WDR59: variants seen among roughly 807,000 people sequenced by gnomAD.
WDR59 encodes GATOR2 complex protein WDR59.
WDR59 carries 100 observed loss-of-function variants against 131.2 expected under a neutral mutation model. The observed-to-expected ratio is 0.76, with a 90% CI of 0.65 to 0.90. The LOEUF is 0.90. Ranked by LOEUF, WDR59 falls within the 40% of genes least tolerant of loss-of-function variation. The pLI is 0.00. For synonymous variants in WDR59, 601 were observed against 466.2 expected (o/e 1.29, Z -3.72); for missense variants, 1,203 against 1,262.2 (o/e 0.95, Z 0.71).
intron 3 of WDR59, among the ~76,000 whole-genome samples, chr16:74,955,577 G>A (rs899896336): frequency 2.0e-5 from 3 of 152,210 alleles, no homozygotes; most frequent in Non-Finnish European, 4.4e-5. Context: ...GCGCAACCTC[G>A]GACATCCACA....
chr16:74,906,313 CA>C (rs762288713), intron 17 of WDR59, among the ~76,000 whole-genome samples: 1 of 32,460 alleles, frequency 3.1e-5, no homozygotes, highest in Non-Finnish European at 5.3e-5. Context: ...GACTCCGTCT[CA>C]AAAAAAAAAA....
In WDR59 at chr16:74,897,296, G is replaced by T. The variant is rs1431639295; in HGVS notation, c.1867-3484C>A. 8.5e-5 allele frequency among the ~76,000 whole-genome samples: 13 copies of T among 152,322 alleles called. No homozygotes were observed. In the South Asian group the frequency reaches 2.5e-3, roughly 29 times the overall value. On this transcript the variant is annotated intron_variant, in intron 18 of 25. Transcript: ENST00000262144. ...TTCAGACCAAGATGCTGCATTTCAG[G>T]CCGGGCACCTCACAGTGTTTAGGCT...
intron 2 of WDR59, among the ~76,000 whole-genome samples, chr16:74,961,019 A>C (rs1597800284): frequency 6.6e-6 from 1 of 152,104 alleles, no homozygotes; most frequent in Non-Finnish European, 1.5e-5. Context: ...TCAGTATAAG[A>C]AAATGCCAGG....
At chr16:74,976,328 C>T (rs1018303679) in intron 1 of WDR59, among the ~76,000 whole-genome samples, 17 of 151,708 alleles carry the variant, frequency 1.1e-4, no homozygotes, top group Non-Finnish European at 1.9e-4. Context: ...ATTATTAGGT[C>T]AGAAGAGAGT....
At position 74,917,841 on chromosome 16, in the gene WDR59, C is replaced by T; in HGVS notation, c.966+88G>A. The T allele has an allele frequency of 3.0e-6, 3 of 1,015,602 alleles. No homozygotes were observed. In the South Asian group the frequency reaches 4.3e-5, roughly 14 times the overall value. 62.9% of individuals were successfully genotyped at this position (1,015,602 alleles called of 1,614,324 possible). A position where few individuals can be genotyped will look rare whatever the true frequency, so the allele number is the denominator to read the frequency against. ...AAAAAAAAAAAAAAAAATTGTTTAT[C>T]CTGTAACCTCTAATTTCCGCAAATC... On this transcript the variant is annotated intron_variant, in intron 11 of 25. Transcript: ENST00000262144.
intron 25 of WDR59, 137 bp downstream of exon 25, chr16:74,885,516 G>A: frequency 1.1e-6 from 1 of 946,310 alleles, no homozygotes; most frequent in South Asian, 2.2e-5. Context: ...CAGATGCTTG[G>A]AATAGACTCA....
At position 74,965,758 on chromosome 16, in the gene WDR59, G is replaced by A. The variant is rs528798017; in HGVS notation, c.104+15C>T. On this transcript the variant is annotated intron_variant, in intron 2 of 25. Transcript: ENST00000262144. ...TCCAGAAATCATGGCAGACAAACTCGGCAAGCTTACTTACCCAGAAAGCAC... is the reference window on the plus strand; with the variant it reads ...TCCAGAAATCATGGCAGACAAACTCAGCAAGCTTACTTACCCAGAAAGCAC... 2.5e-5 allele frequency: 40 copies of A among 1,613,838 alleles called. No homozygotes were observed. Among genetic ancestry groups the A allele is most frequent in the Middle Eastern group, 1.7e-4 (1 of 6,060 alleles).
At chr16:74,879,909 G>C (rs200345770) in intron 25 of WDR59, among the ~76,000 whole-genome samples, 1 of 152,256 alleles carries the variant, frequency 6.6e-6, no homozygotes, top group East Asian at 1.9e-4. Context: ...GCTGGGGCTG[G>C]GTGTGGCAGC....
At chr16:74,934,301 T>C (rs547033465) in intron 8 of WDR59, among the ~76,000 whole-genome samples, 14 of 152,236 alleles carry the variant, frequency 9.2e-5, no homozygotes, top group African/African-American at 3.1e-4. Context: ...GTTAGCAAGA[T>C]TAATCCTTTT....
chr16:74,904,211 A>T lies in WDR59; in HGVS notation c.1713-111T>A, dbSNP rs1033039081. 6 of 1,326,282 alleles carry T rather than the reference A, an allele frequency of 4.5e-6. No individual in the cohort carries two copies. The African/African-American group carries it at 7.4e-5, about 16-fold the overall frequency. The allele number at this position is 1,326,282 out of a possible 1,614,324, so 82.2% of individuals were successfully genotyped here. A position where few individuals can be genotyped will look rare whatever the true frequency, so the allele number is the denominator to read the frequency against. ...AGGAGAAGACAAAATGAGAAGATGG[A>T]AACTCCAGAAAAAGAAGTCAATAAA... is the stretch of plus-strand genomic sequence containing the variant. On this transcript the variant is annotated intron_variant, in intron 17 of 25. Coordinates refer to ENST00000262144, the MANE Select transcript of WDR59 (RefSeq NM_030581.4).
At chr16:74,911,943 T>C (rs1003267959) in intron 14 of WDR59, 1 of 547,662 alleles carries the variant, frequency 1.8e-6, no homozygotes, top group Non-Finnish European at 3.2e-6. Context: ...ATTGTGCAGA[T>C]TTTTCTGAGG....
chr16:74,970,495 CAAAAAAAAAAAA>C (rs746574195), intron 1 of WDR59, among the ~76,000 whole-genome samples: 23 of 33,440 alleles, frequency 6.9e-4, no homozygotes, highest in South Asian at 1.2e-3. Context: ...ACTCTGTCTC[CAAAAAAAAAAAA>C]AAAAAAAAAA....
intron 1 of WDR59, 22 bp from the exon 2 acceptor site, chr16:74,965,844 C>T (rs1299466602): frequency 6.2e-7 from 1 of 1,613,934 alleles, no homozygotes; most frequent in African/African-American, 1.3e-5. Context: ...AACACAGAGT[C>T]AGTGCTGCCA....
At chr16:74,929,520 C>G (rs534886156) in intron 8 of WDR59, among the ~76,000 whole-genome samples, 39 of 152,250 alleles carry the variant, frequency 2.6e-4, no homozygotes, top group South Asian at 1.5e-3. Flanking sequence ...ATCCAAAAGA[C>G]AGGCAATAAT....
intron 10 of WDR59, among the ~76,000 whole-genome samples, chr16:74,919,832 T>G (rs2144990796): frequency 6.6e-6 from 1 of 152,068 alleles, no homozygotes; most frequent in South Asian, 2.1e-4. Context: ...TTCCCCACAG[T>G]GAAAATCAAA....
intron 2 of WDR59, among the ~76,000 whole-genome samples, chr16:74,964,489 G>C (rs1489207264): frequency 2.6e-5 from 4 of 152,092 alleles, no homozygotes; most frequent in Non-Finnish European, 4.4e-5. Context: ...TTTCTCCAGG[G>C]AGGTGGTCAG....
chr16:74,886,346 C>T lies in WDR59; in HGVS notation c.2470G>A (p.Glu824Lys). Residue 824 changes from glutamate to lysine, a missense_variant, in exon 24 of 26, where the codon GAA (glutamate) becomes AAA (lysine). By Grantham distance (56) the Glu-to-Lys change is moderately conservative (BLOSUM62 1). Transcript: ENST00000262144. ...LSSPWGESSP[E>K]ELRFGSLTYS... ...GTCAGACTCCCAAAGCGGAGCTCTT[C>T]TGGTGAGGATTCTCCCCAAGGGGAG... 1 of 1,613,988 alleles carries T rather than the reference C, an allele frequency of 6.2e-7. No homozygotes were observed. Among genetic ancestry groups the T allele is most frequent in the Non-Finnish European group, 8.5e-7 (1 of 1,179,996 alleles).
intron 1 of WDR59, among the ~76,000 whole-genome samples, chr16:74,971,123 A>G (rs1443434476): frequency 1.3e-5 from 2 of 152,160 alleles, no homozygotes; most frequent in African/African-American, 4.8e-5. Flanking sequence ...CAATGTGCCA[A>G]GGTGTTCCTC....
chr16:74,903,648 C>T, intron 18 of WDR59, among the ~76,000 whole-genome samples: 1 of 152,108 alleles, frequency 6.6e-6, no homozygotes, highest in South Asian at 2.1e-4. Context: ...GGTATTCTAC[C>T]CTGAAATAAT....
Sources: gnomAD v4.1 joint callset for allele counts (sites outside exome capture counted in the v4.1 genomes callset) on GRCh38, gnomAD v4.1.1 for gene constraint, MANE v1.5 for transcripts, NCBI Gene and HGNC (gene_info 2026-07-23, HGNC 2026-07-21) for gene names.